Variants in CPLANE1 observed in about 807,000 individuals in gnomAD.
CPLANE1 encodes the protein ciliogenesis and planar polarity effector 1.
A neutral mutation model predicts 362.5 loss-of-function variants in CPLANE1; 263 were observed. That is an observed-to-expected ratio of 0.73 (90% CI 0.66 to 0.80). The LOEUF is 0.80. Among genes scored for constraint, CPLANE1 ranks in the 30% least tolerant of loss-of-function variants. The probability of loss-of-function intolerance (pLI) is 0.00; values close to 1 mark genes in which losing one functional copy is unlikely to be tolerated. For synonymous variants in CPLANE1, 1,212 were observed against 1,302.6 expected, an observed-to-expected ratio of 0.93 and a Z score of 1.50; for missense variants, 3,461 against 3,793.4, an observed-to-expected ratio of 0.91 and a Z score of 2.30.
At chr5:37,100,702 G>A in the CPLANE1 span, among the ~76,000 whole-genome samples, 3 of 152,118 alleles carry the variant, frequency 2.0e-5, no homozygotes, top group Admixed American at 2.0e-4. Context: ...AATTACTTTG[G>A]GCAGTATGGC....
At chr5:37,245,445 T>C in intron 4 of CPLANE1, 34 bp downstream of exon 4, 1 of 1,403,380 alleles carries the variant, frequency 7.1e-7, no homozygotes, top group South Asian at 1.7e-5. Context: ...TTTTTCCTAG[T>C]TAAACCAACT....
chr5:37,151,590 C>T lies in CPLANE1; in HGVS notation c.8373+2150G>A, dbSNP rs1418137937. Among the ~76,000 whole-genome samples, 57 of 152,152 alleles carry T rather than the reference C, an allele frequency of 3.7e-4. 1 individual carries two copies. The highest frequency in any genetic ancestry group is 1.2e-4 in the Non-Finnish European group (8 of 68,028). On this transcript the variant is annotated intron_variant, in intron 42 of 52. Coordinates refer to ENST00000651892, the MANE Select transcript of CPLANE1 (RefSeq NM_001384732.1). ...CCTGTGAGAGTGAGCAAGCCAGGATCAAGACTAGATTCGGGTATAAATCAA... is the reference window on the plus strand; with the variant it reads ...CCTGTGAGAGTGAGCAAGCCAGGATTAAGACTAGATTCGGGTATAAATCAA...
At chr5:37,112,630 C>A (rs762753582) in intron 51 of CPLANE1, among the ~76,000 whole-genome samples, 8 of 152,182 alleles carry the variant, frequency 5.3e-5, no homozygotes, top group Non-Finnish European at 8.8e-5. Context: ...TAACACCAAA[C>A]AGTGTCTACA....
At position 37,214,314 on chromosome 5, in the gene CPLANE1, T is replaced by A. The variant is rs114474945; in HGVS notation, c.2747-582A>T. 1.6e-3 allele frequency among the ~76,000 whole-genome samples: 250 copies of A among 151,566 alleles called. 1 individual carries two copies. Among genetic ancestry groups the A allele is most frequent in the African/African-American group, 5.7e-3 (236 of 41,302 alleles). Reference sequence around the variant, plus strand: ...ATCCCACCTCTACAGAAAAATACAATAAAAAGAAACATTAGCTGGGCATGG... The same window carrying A: ...ATCCCACCTCTACAGAAAAATACAAAAAAAAGAAACATTAGCTGGGCATGG... On this transcript the variant is annotated intron_variant, in intron 15 of 52. Coordinates refer to ENST00000651892, the MANE Select transcript of CPLANE1 (RefSeq NM_001384732.1).
rs571477472 is a variant in CPLANE1 at position 37,159,236 on chromosome 5, C to T, written c.7691-891G>A. ...ACGCCATTCTCCTGCCTCAGCCTCC[C>T]GAGTAGCTGGGACTACAGGCGCCCG... On this transcript the variant is annotated intron_variant, in intron 38 of 52. Transcript: ENST00000651892. 3.5e-3 allele frequency among the ~76,000 whole-genome samples: 520 copies of T among 149,952 alleles called. 2 individuals are homozygous for T. Among genetic ancestry groups the T allele is most frequent in the African/African-American group, 0.012 (497 of 40,838 alleles).
At chr5:37,130,477 A>G (rs1561344897) in intron 46 of CPLANE1, 5 of 217,812 alleles carry the variant, frequency 2.3e-5, no homozygotes, top group South Asian at 7.9e-5. Context: ...CGTATTTCAC[A>G]TGGTCAGCCA....
chr5:37,239,829 GAC>G lies in CPLANE1; in HGVS notation c.716_717del (p.Cys239SerfsTer4), dbSNP rs1448910892. 1 of 1,539,712 alleles carries G rather than the reference GAC, an allele frequency of 6.5e-7. No individual in the cohort carries two copies. The highest frequency in any genetic ancestry group is 1.4e-5 in the African/African-American group (1 of 72,818). On this transcript the variant is annotated frameshift_variant, in exon 7 of 53. Transcript: ENST00000651892. LOFTEE classifies it high-confidence loss of function. ...PYHVHWAQQD[C>X]HLCSLIPKCE... ...CATTTAGGAATTAAACTACAGAGAT[GAC>G]AGTCTTGTTGAGCCCAATGAACATG...
Position 37,224,263 on chromosome 5 carries a change from G to T in CPLANE1, c.2571C>A (p.Ile857=). 9 of 1,546,472 alleles carry T rather than the reference G, an allele frequency of 5.8e-6. No individual in the cohort carries two copies. Among genetic ancestry groups the T allele is most frequent in the Non-Finnish European group, 7.9e-6 (9 of 1,143,788 alleles). ...VQLWKKALQE[I]EEKGGRRTYF... The stretch of plus-strand genomic sequence containing the variant: ...TTAACACTCTCTTACCTTTCTCTTC[G>T]ATTTCTTGTAGAGCTTTTTTCCACA... Residue 857 remains isoleucine (I), a synonymous_variant, in exon 14 of 53, where the codon ATC becomes ATA. Transcript: ENST00000651892.
At chr5:37,149,203 G>A (rs1313236933) in intron 42 of CPLANE1, among the ~76,000 whole-genome samples, 3 of 152,052 alleles carry the variant, frequency 2.0e-5, no homozygotes, top group Non-Finnish European at 4.4e-5. Flanking sequence ...TGCCTGAAAC[G>A]GTGGGGGTAG....
At position 37,169,351 on chromosome 5, in the gene CPLANE1, A is replaced by T; in HGVS notation, c.6673T>A (p.Phe2225Ile). The T allele has an allele frequency of 6.2e-7, 1 of 1,614,208 alleles. No individual in the cohort carries two copies. The highest frequency in any genetic ancestry group is 8.5e-7 in the Non-Finnish European group (1 of 1,180,036). Reference protein sequence around the residue: ...HAKTFSPGDGFPLLQFKSKQE... With the variant: ...HAKTFSPGDGIPLLQFKSKQE... The stretch of plus-strand genomic sequence containing the variant: ...TTAGACTTAAATTGAAGCAAAGGAA[A>T]GCCATCACCAGGACTAAATGTTTTT... Residue 2225 changes from phenylalanine to isoleucine, a missense_variant, in exon 34 of 53, where the codon TTT (phenylalanine) becomes ATT (isoleucine). Coordinates refer to ENST00000651892, the MANE Select transcript of CPLANE1 (RefSeq NM_001384732.1).
At chr5:37,190,597 A>G (rs902263164) in intron 21 of CPLANE1, among the ~76,000 whole-genome samples, 2 of 152,090 alleles carry the variant, frequency 1.3e-5, no homozygotes, top group Non-Finnish European at 2.9e-5. Context: ...CCTTGATTGG[A>G]TAGATTTTTT....
At chr5:37,111,043 G>A (rs538455390) in intron 51 of CPLANE1, among the ~76,000 whole-genome samples, 33 of 150,954 alleles carry the variant, frequency 2.2e-4, no homozygotes, top group Non-Finnish European at 4.3e-4. Flanking sequence ...TCCTGACCTC[G>A]TGATCCGCCT....
At chr5:37,115,600 T>TC (rs1250021684) in intron 50 of CPLANE1, among the ~76,000 whole-genome samples, 3 of 147,036 alleles carry the variant, frequency 2.0e-5, no homozygotes, top group African/African-American at 5.0e-5. Context: ...TTTATTTCTT[T>TC]TTTTTTTTTT....
chr5:37,187,693 A>C lies in CPLANE1; in HGVS notation c.3921+40T>G, dbSNP rs755627019. The C allele has an allele frequency of 1.9e-6, 3 of 1,575,912 alleles. No individual in the cohort carries two copies. In the South Asian group the frequency reaches 3.4e-5, roughly 18 times the overall value. Reference sequence around the variant, plus strand: ...TCTTTTAAACAATAATTTCCCACTTAACGTGTGTTCATTTTTCTTATTTTT... The same window carrying C: ...TCTTTTAAACAATAATTTCCCACTTCACGTGTGTTCATTTTTCTTATTTTT... On this transcript the variant is annotated intron_variant, in intron 22 of 52. Transcript: ENST00000651892.
intron 46 of CPLANE1, among the ~76,000 whole-genome samples, chr5:37,134,794 CTTTT>C (rs372028750): frequency 2.3e-5 from 3 of 133,136 alleles, no homozygotes; most frequent in African/African-American, 8.3e-5. Context: ...AAACTTTCCA[CTTTT>C]TTTTTTTTTT....
intron 34 of CPLANE1, among the ~76,000 whole-genome samples, chr5:37,168,517 A>G (rs1270847654): frequency 6.7e-6 from 1 of 149,672 alleles, no homozygotes; most frequent in African/African-American, 2.5e-5. Flanking sequence ...ATTTTTTTTT[A>G]ATAGAGACAG....
intron 46 of CPLANE1, among the ~76,000 whole-genome samples, chr5:37,131,947 C>T (rs868417366): frequency 6.6e-6 from 1 of 152,138 alleles, no homozygotes; most frequent in South Asian, 2.1e-4. Flanking sequence ...TGTGAGCTAT[C>T]GCATCCAGTC....
intron 35 of CPLANE1, 43 bp downstream of exon 35, chr5:37,167,004 C>G (rs1778426265): frequency 1.2e-5 from 17 of 1,429,810 alleles, no homozygotes; most frequent in Non-Finnish European, 1.7e-5. Context: ...AATGAACTTG[C>G]TGATATATGA....
intron 43 of CPLANE1, among the ~76,000 whole-genome samples, chr5:37,144,613 A>G (rs1257830022): frequency 2.0e-5 from 3 of 151,998 alleles, no homozygotes; most frequent in Admixed American, 2.0e-4. Context: ...GCACTTTGGG[A>G]GGCCGAGGCA....
Sources: allele counts gnomAD v4.1 joint callset (sites outside exome capture counted in the v4.1 genomes callset), GRCh38; gene constraint gnomAD v4.1.1; transcripts MANE v1.5; gene names NCBI Gene and HGNC (gene_info 2026-07-23, HGNC 2026-07-21).